Variants in GSE1 observed in about 807,000 individuals in gnomAD.
GSE1 encodes the protein genetic suppressor element 1.
A neutral mutation model predicts 112.6 loss-of-function variants in GSE1; 32 were observed. The ratio of observed to expected loss-of-function variants is 0.28; its 90% CI spans 0.21 to 0.38. The LOEUF (loss-of-function observed/expected upper bound fraction) is 0.38, where lower values mean the gene tolerates loss of function less well. Ranked by LOEUF, GSE1 falls within the 10% of genes least tolerant of loss-of-function variation. The probability of loss-of-function intolerance (pLI) is 1.00; values close to 1 mark genes in which losing one functional copy is unlikely to be tolerated. For missense variants in GSE1, 2,348 were observed against 1,699.2 expected (o/e 1.38, Z -6.71); for synonymous variants, 1,115 against 735.6 (o/e 1.52, Z -8.35).
chr16:85,294,003 G>A (rs1403507210), intron 1 of GSE1, among the ~76,000 whole-genome samples: 1 of 152,166 alleles, frequency 6.6e-6, no homozygotes, highest in Non-Finnish European at 1.5e-5. Context: ...CCCATGCTTC[G>A]AGGCGCCCTC....
Position 85,654,812 on chromosome 16 carries a change from C to T in GSE1, c.618C>T (p.His206=), listed in dbSNP as rs372442456. Reference sequence around the variant, plus strand: ...CCTGCAGCCTCCAGCGGCCCGTGCACCACGTGGTGCCCCCCAGTACCGTGA... The same window carrying T: ...CCTGCAGCCTCCAGCGGCCCGTGCATCACGTGGTGCCCCCCAGTACCGTGA... ...FPPLNLQRPV[H]HVVPPSTVTE... is the part of the protein sequence containing the mutation. The change falls in exon 5 of 16, where the codon CAC becomes CAT. Residue 206 remains histidine (H), a synonymous_variant. Transcript: ENST00000253458. 6.2e-7 allele frequency: 1 copy of T among 1,611,270 alleles called. No homozygotes were observed. Among genetic ancestry groups the T allele is most frequent in the South Asian group, 1.1e-5 (1 of 90,926 alleles).
chr16:85,251,101 T>C (rs958914028), intron 1 of GSE1, among the ~76,000 whole-genome samples: 2 of 152,222 alleles, frequency 1.3e-5, no homozygotes, highest in Non-Finnish European at 1.5e-5. Flanking sequence ...TGGGCTGTTA[T>C]GAATCACCCG....
intron 2 of GSE1, among the ~76,000 whole-genome samples, chr16:85,383,203 CA>C (rs2047598679): frequency 6.6e-6 from 1 of 152,088 alleles, no homozygotes; most frequent in Non-Finnish European, 1.5e-5. Flanking sequence ...CACATCCACA[CA>C]CAGCCCTCTG....
chr16:85,251,418 C>T (rs960434385), intron 1 of GSE1, among the ~76,000 whole-genome samples: 19 of 152,376 alleles, frequency 1.2e-4, no homozygotes, highest in African/African-American at 4.6e-4. Flanking sequence ...GCCTGGCACT[C>T]GCCAGCTGGC....
intron 2 of GSE1, among the ~76,000 whole-genome samples, chr16:85,399,517 C>G (rs2048045081): frequency 6.6e-6 from 1 of 152,220 alleles, no homozygotes; most frequent in Admixed American, 6.5e-5. Context: ...AGTTTCACAG[C>G]CCCCATCCTT....
rs187291512 is a variant in GSE1 at position 85,355,796 on chromosome 16, G to A, written c.2284-1667G>A. Among the ~76,000 whole-genome samples the A allele has an allele frequency of 3.6e-4, 55 of 152,272 alleles. No homozygotes were observed. In the East Asian group the frequency reaches 8.1e-3, roughly 22 times the overall value. On this transcript the variant is annotated intron_variant, in intron 1 of 2. Transcript: ENST00000637419. ...AGCGCTTTGGGAGGCAGAAGCAGGC[G>A]GATCACTTGAGGTCAGGAGTTCGAA...
At chr16:85,172,892 C>T (rs1171289795) in intron 1 of GSE1, among the ~76,000 whole-genome samples, 2 of 152,218 alleles carry the variant, frequency 1.3e-5, no homozygotes, top group African/African-American at 2.4e-5. Flanking sequence ...CCGGGAAGTG[C>T]GCTCTGCCAT....
chr16:85,305,292 GATT>G lies in GSE1; in HGVS notation c.2284-52161_2284-52159del, dbSNP rs376894355. Among the ~76,000 whole-genome samples, 388 of 152,252 alleles carry G rather than the reference GATT, an allele frequency of 2.5e-3. 2 individuals carry two copies. Among genetic ancestry groups the G allele is most frequent in the African/African-American group, 8.9e-3 (370 of 41,540 alleles). On this transcript the variant is annotated intron_variant, in intron 1 of 2. Transcript: ENST00000637419. ...CCCTGGGCATCAGGATGATGATGAT[GATT>G]ATTATTATTTGGAGGTGGGGTCTCT...
intron 1 of GSE1, among the ~76,000 whole-genome samples, chr16:85,340,740 C>A (rs1438687758): frequency 6.6e-6 from 1 of 152,170 alleles, no homozygotes; most frequent in East Asian, 1.9e-4. Context: ...TAAGAATGAA[C>A]AGAGACACTT....
intron 2 of GSE1, among the ~76,000 whole-genome samples, chr16:85,547,811 G>A (rs577527045): frequency 1.3e-5 from 2 of 150,758 alleles, no homozygotes; most frequent in African/African-American, 2.4e-5. Context: ...CCCTGGAGGC[G>A]GAGGCTGTAG....
intron 1 of GSE1, among the ~76,000 whole-genome samples, chr16:85,587,105 C>T (rs1033445013): frequency 6.6e-6 from 1 of 151,070 alleles, no homozygotes; most frequent in Admixed American, 6.6e-5. Context: ...GGATGGGCCT[C>T]GGCCTCTGGC....
At chr16:85,315,335 A>G (rs1444607384) in intron 1 of GSE1, among the ~76,000 whole-genome samples, 1 of 152,178 alleles carries the variant, frequency 6.6e-6, no homozygotes, top group African/African-American at 2.4e-5. Context: ...ATCAGATTGA[A>G]GGACGTTTTG....
intron 2 of GSE1, among the ~76,000 whole-genome samples, chr16:85,425,470 C>A (rs536308626): frequency 3.3e-5 from 5 of 152,086 alleles, no homozygotes; most frequent in African/African-American, 4.8e-5. Context: ...GGAAGTCGCC[C>A]GTGATGCTCA....
chr16:85,420,783 G>A (rs1032243611), intron 2 of GSE1, among the ~76,000 whole-genome samples: 1 of 152,216 alleles, frequency 6.6e-6, no homozygotes, highest in Admixed American at 6.5e-5. Flanking sequence ...CCTGGGTGGA[G>A]TGTAAGGGCC....
At chr16:85,260,167 C>T (rs190122952) in intron 1 of GSE1, among the ~76,000 whole-genome samples, 26 of 152,294 alleles carry the variant, frequency 1.7e-4, no homozygotes, top group African/African-American at 5.8e-4. Context: ...CAGACTGGGG[C>T]TCACGGCAGC....
chr16:85,220,799 C>T (rs2075377687), intron 1 of GSE1, among the ~76,000 whole-genome samples: 1 of 152,164 alleles, frequency 6.6e-6, no homozygotes, highest in Non-Finnish European at 1.5e-5. Context: ...CTCTCCATCT[C>T]TCTCAGTATG....
At chr16:85,665,585 T>C (rs1232045005) in intron 12 of GSE1, among the ~76,000 whole-genome samples, 1 of 127,292 alleles carries the variant, frequency 7.9e-6, no homozygotes, top group East Asian at 3.8e-4. Flanking sequence ...CGCCACACCT[T>C]TCCTCCTCTT....
chr16:85,591,850 G>A (rs4240811), intron 1 of GSE1, among the ~76,000 whole-genome samples: 149,661 of 152,386 alleles, frequency 0.98, 73,511 homozygotes, highest in East Asian at 1. Flanking sequence ...CTGACTTTCC[G>A]GAGCAGCGCT....
At chr16:85,444,740 C>T (rs749304024) in intron 2 of GSE1, among the ~76,000 whole-genome samples, 4 of 152,152 alleles carry the variant, frequency 2.6e-5, no homozygotes, top group Admixed American at 6.5e-5. Context: ...CTGTGACCCA[C>T]TGAACCAGCA....
Sources: gnomAD v4.1 joint callset for allele counts (sites outside exome capture counted in the v4.1 genomes callset) on GRCh38, gnomAD v4.1.1 for gene constraint, MANE v1.5 for transcripts, NCBI Gene and HGNC (gene_info 2026-07-23, HGNC 2026-07-21) for gene names.